The following CNTN5 variants were observed in gnomAD, a reference collection of about 807,000 sequenced individuals.
The protein encoded by CNTN5 is contactin-5.
A neutral mutation model predicts 129.1 loss-of-function variants in CNTN5; 77 were observed. The ratio of observed to expected loss-of-function variants is 0.60; its 90% confidence interval spans 0.50 to 0.72. The LOEUF is 0.72. Ranked by LOEUF, CNTN5 falls within the 30% of genes least tolerant of loss-of-function variation. The pLI is 0.00. For synonymous variants in CNTN5, 509 were observed against 465.6 expected (o/e 1.09, Z -1.20); for missense variants, 1,478 against 1,328.8 (o/e 1.11, Z -1.75).
chr11:99,702,388 T>C (rs1366702860), intron 3 of CNTN5, among the ~76,000 whole-genome samples: 1 of 150,950 alleles, frequency 6.6e-6, no homozygotes, highest in Non-Finnish European at 1.5e-5. Context: ...TTTCAACCTA[T>C]TGGCAATAAA....
At chr11:99,816,336 T>C (rs1201379501) in intron 3 of CNTN5, among the ~76,000 whole-genome samples, 1 of 152,170 alleles carries the variant, frequency 6.6e-6, no homozygotes, top group Non-Finnish European at 1.5e-5. Context: ...TAACCATCTA[T>C]TTGGTTACCA....
chr11:99,233,131 C>T (rs780833590), intron 1 of CNTN5, among the ~76,000 whole-genome samples: 1 of 152,148 alleles, frequency 6.6e-6, no homozygotes, highest in African/African-American at 2.4e-5. Context: ...TACATGGCTG[C>T]ATTTAATTTC....
At chr11:100,250,910 C>A (rs547590025) in intron 16 of CNTN5, among the ~76,000 whole-genome samples, 3 of 152,166 alleles carry the variant, frequency 2.0e-5, no homozygotes, top group African/African-American at 7.2e-5. Flanking sequence ...TCCCACTGAG[C>A]CTTGCACATA....
intron 2 of CNTN5, among the ~76,000 whole-genome samples, chr11:99,355,331 G>A (rs1425503095): frequency 6.6e-6 from 1 of 152,132 alleles, no homozygotes; most frequent in Non-Finnish European, 1.5e-5. Flanking sequence ...ACTAAACAAT[G>A]AGTAAATATA....
intron 13 of CNTN5, among the ~76,000 whole-genome samples, chr11:100,078,333 T>C (rs533574762): frequency 6.6e-6 from 1 of 152,296 alleles, no homozygotes; most frequent in South Asian, 2.1e-4. Context: ...ACAAATTAGC[T>C]GCCTGCTTAT....
At chr11:99,522,063 G>A (rs1290099872) in intron 2 of CNTN5, among the ~76,000 whole-genome samples, 1 of 152,148 alleles carries the variant, frequency 6.6e-6, no homozygotes, top group Non-Finnish European at 1.5e-5. Flanking sequence ...GGCCACAGAG[G>A]AAAACTGGAA....
At chr11:99,924,623 GT>G (rs1185986733) in intron 7 of CNTN5, among the ~76,000 whole-genome samples, 1 of 151,894 alleles carries the variant, frequency 6.6e-6, no homozygotes, top group Non-Finnish European at 1.5e-5. Flanking sequence ...TACTGTTTTG[GT>G]TACTGTAGCC....
intron 3 of CNTN5, among the ~76,000 whole-genome samples, chr11:99,567,963 T>A (rs1949060952): frequency 6.6e-6 from 1 of 152,120 alleles, no homozygotes. Context: ...ATTCCTGGGG[T>A]GATATAAAAT....
chr11:99,563,911 C>T (rs908251528), intron 3 of CNTN5, among the ~76,000 whole-genome samples: 3 of 152,114 alleles, frequency 2.0e-5, no homozygotes, highest in Non-Finnish European at 2.9e-5. Context: ...AGATCAGATT[C>T]AAGAGGTGGA....
intron 13 of CNTN5, among the ~76,000 whole-genome samples, chr11:100,163,871 G>C (rs1278874140): frequency 6.6e-6 from 1 of 151,712 alleles, no homozygotes; most frequent in Middle Eastern, 3.2e-3. Context: ...ACTTTAAAAA[G>C]GACTTCATAT....
chr11:100,278,052 T>A (rs1029106948), intron 18 of CNTN5, among the ~76,000 whole-genome samples: 2 of 152,128 alleles, frequency 1.3e-5, no homozygotes, highest in African/African-American at 4.8e-5. Flanking sequence ...CCCAGAACTA[T>A]TTAGTGAAGA....
intron 7 of CNTN5, among the ~76,000 whole-genome samples, chr11:99,941,852 G>C (rs754015726): frequency 3.3e-4 from 50 of 152,110 alleles, no homozygotes; most frequent in African/African-American, 1.0e-3. Flanking sequence ...TAGTTAAAAA[G>C]AGTCAGGCAA....
At chr11:99,418,329 T>C (rs1294227465) in intron 2 of CNTN5, among the ~76,000 whole-genome samples, 1 of 152,112 alleles carries the variant, frequency 6.6e-6, no homozygotes, top group African/African-American at 2.4e-5. Context: ...AAATAAATTA[T>C]GTGAATAATT....
chr11:100,323,454 A>C (rs1486594741), intron 21 of CNTN5, among the ~76,000 whole-genome samples: 1 of 152,210 alleles, frequency 6.6e-6, no homozygotes, highest in Non-Finnish European at 1.5e-5. Flanking sequence ...TTGCAGTTTC[A>C]GACTTTCAAG....
At chr11:99,398,716 T>C (rs923648303) in intron 2 of CNTN5, among the ~76,000 whole-genome samples, 1 of 151,966 alleles carries the variant, frequency 6.6e-6, no homozygotes, top group Admixed American at 6.6e-5. Context: ...CAATATTCCA[T>C]TGTATGGATG....
At position 99,728,002 on chromosome 11, in the gene CNTN5, C is replaced by T. The variant is rs143017822; in HGVS notation, c.56-91542C>T. ...TTACTTAACCACTATGGTAATTCGT[C>T]TCTGACAATCAACTAAATCAATCAT... On this transcript the variant is annotated intron_variant, in intron 3 of 24. Transcript: ENST00000524871. 3.0e-3 allele frequency among the ~76,000 whole-genome samples: 459 copies of T among 152,252 alleles called. 5 individuals are homozygous for T. The highest frequency in any genetic ancestry group is 3.4e-3 in the Middle Eastern group (1 of 294).
At chr11:99,512,535 C>T (rs977288402) in intron 2 of CNTN5, among the ~76,000 whole-genome samples, 5 of 152,226 alleles carry the variant, frequency 3.3e-5, no homozygotes, top group South Asian at 4.1e-4. Flanking sequence ...TTATTTATAA[C>T]GTGAAGGCTC....
At chr11:99,670,273 G>T (rs540686373) in intron 3 of CNTN5, among the ~76,000 whole-genome samples, 14 of 152,272 alleles carry the variant, frequency 9.2e-5, no homozygotes, top group Admixed American at 8.5e-4. Context: ...CTACAACTGA[G>T]TGATGACTGC....
intron 1 of CNTN5, among the ~76,000 whole-genome samples, chr11:99,312,679 T>G (rs986410037): frequency 1.3e-5 from 2 of 152,154 alleles, no homozygotes; most frequent in African/African-American, 4.8e-5. Flanking sequence ...ACAATTCAGA[T>G]AGTGTGTGTG....
Sources: gnomAD v4.1 joint callset for allele counts (sites outside exome capture counted in the v4.1 genomes callset) on GRCh38, gnomAD v4.1.1 for gene constraint, MANE v1.5 for transcripts, NCBI Gene and HGNC (gene_info 2026-07-23, HGNC 2026-07-21) for gene names.